The following ZBED6 variants were observed in gnomAD, a reference collection of about 807,000 sequenced individuals.
The protein encoded by ZBED6 is zinc finger BED-type containing 6, also known as zinc finger BED domain-containing protein 6.
Under a neutral mutation model 58.4 loss-of-function variants are expected in ZBED6, and 40 were observed. The ratio of observed to expected loss-of-function variants is 0.68; its 90% CI spans 0.53 to 0.89. The LOEUF is 0.89. ZBED6 is among the 40% of genes least tolerant of loss of function. The probability of loss-of-function intolerance (pLI) is 0.00; values close to 1 mark genes in which losing one functional copy is unlikely to be tolerated. For missense variants in ZBED6, 1,057 were observed against 1,003.9 expected, an observed-to-expected ratio of 1.05 and a Z score of -0.71; for synonymous variants, 439 against 350.6, an observed-to-expected ratio of 1.25 and a Z score of -2.82.
At position 203,828,676 on chromosome 1, in the gene ZBED6, C is replaced by T. The variant is rs1350468757; in HGVS notation, c.*2997+254C>T. Among the ~76,000 whole-genome samples the T allele has an allele frequency of 3.9e-5, 6 of 152,112 alleles. No individual in the cohort carries two copies. In the East Asian group the frequency reaches 7.7e-4, roughly 19 times the overall value. ...CTCATATTCTTATCAGACCCATAAACGTTTTCAAAATAAATTTGATTTTCT... is the reference window on the plus strand; with the variant it reads ...CTCATATTCTTATCAGACCCATAAATGTTTTCAAAATAAATTTGATTTTCT... On this transcript the variant is annotated intron_variant, in intron 4 of 16. Coordinates refer to ENST00000550078, the Ensembl canonical transcript of ZBED6.
chr1:203,799,659 C>T (rs964693326), exon 1 of ZBED6: 28 of 704,492 alleles, frequency 4.0e-5, no homozygotes, highest in Admixed American at 1.0e-4. Flanking sequence ...GAATCAGGTG[C>T]TACCCCTAAT....
rs200302232 is a variant in ZBED6, at chr1:203,819,089, TAC to T, written c.*2873+429_*2873+430del. 5.7e-3 allele frequency among the ~76,000 whole-genome samples: 804 copies of T among 140,984 alleles called. 7 individuals carry two copies. The highest frequency in any genetic ancestry group is 0.016 in the African/African-American group (601 of 37,036). 92.5% of individuals were successfully genotyped at this position (140,984 alleles called of 152,430 possible). A position where few individuals can be genotyped will look rare whatever the true frequency, so the allele number is the denominator to read the frequency against. On this transcript the variant is annotated intron_variant, in intron 3 of 16. Coordinates refer to ENST00000550078, the Ensembl canonical transcript of ZBED6. ...TCTCAAAAAAAAAAATATATATATA[TAC>T]ACACACACACACACACACACACACA...
intron 13 of ZBED6, 61 bp from the exon 14 acceptor site, chr1:203,849,650 T>TA: frequency 1.3e-6 from 2 of 1,501,832 alleles, no homozygotes; most frequent in Admixed American, 1.8e-5. Context: ...GCCTGGTACT[T>TA]ACATCATACA....
At position 203,808,210 on chromosome 1, in the gene ZBED6, T is replaced by A. The variant is rs559451382; in HGVS notation, c.*2554+5194T>A. Among the ~76,000 whole-genome samples the A allele has an allele frequency of 2.0e-5, 3 of 152,152 alleles. 1 individual carries two copies. The East Asian group carries it at 5.8e-4, about 29-fold the overall frequency. On this transcript the variant is annotated intron_variant, in intron 1 of 16. Coordinates refer to ENST00000550078, the Ensembl canonical transcript of ZBED6. ...GTTCTGAGCTATTTGTGAAATGTAG[T>A]TTGAAATTCTAAACTTAAAGGTCAT...
intron 11 of ZBED6, among the ~76,000 whole-genome samples, chr1:203,844,834 C>T (rs1572339612): frequency 6.6e-6 from 1 of 151,998 alleles, no homozygotes; most frequent in Non-Finnish European, 1.5e-5. Flanking sequence ...TATCCCTCCT[C>T]CCTCCCCTTT....
chr1:203,809,328 A>G (rs1403394736), intron 1 of ZBED6, among the ~76,000 whole-genome samples: 12 of 150,788 alleles, frequency 8.0e-5, no homozygotes, highest in Non-Finnish European at 1.5e-5. Context: ...GGCGCACACT[A>G]CCGTGCCCGG....
chr1:203,835,210 T>G (rs1047216793), intron 9 of ZBED6, among the ~76,000 whole-genome samples: 2 of 152,208 alleles, frequency 1.3e-5, no homozygotes, highest in Admixed American at 6.5e-5. Flanking sequence ...ATGAATGAAA[T>G]TAATATTTGC....
intron 3 of ZBED6, among the ~76,000 whole-genome samples, chr1:203,821,155 G>A (rs111803133): frequency 0.015 from 2,223 of 152,168 alleles, 26 homozygotes; most frequent in South Asian, 0.024. Context: ...GTGCGTTCTC[G>A]TGAGATCTGA....
chr1:203,798,814 C>G (rs1352403157), exon 1 of ZBED6: 1 of 1,536,124 alleles, frequency 6.5e-7, no homozygotes, highest in Admixed American at 2.0e-5. Context: ...TTCTCAACCC[C>G]AGCCTTTCAG....
chr1:203,823,094 G>A (rs1679319391), intron 3 of ZBED6, among the ~76,000 whole-genome samples: 1 of 152,000 alleles, frequency 6.6e-6, no homozygotes, highest in Admixed American at 6.6e-5. Flanking sequence ...AGTCAATGTT[G>A]TAACATTTTT....
chr1:203,835,887 C>T, intron 9 of ZBED6: 2 of 244,250 alleles, frequency 8.2e-6, no homozygotes, highest in Non-Finnish European at 8.9e-6. Flanking sequence ...AGCAAAAATG[C>T]CCTTGGACCA....
rs1316440046 is a variant in ZBED6 at position 203,831,731 on chromosome 1, C to T, written c.*3470C>T. On this transcript the variant is annotated 3_prime_UTR_variant, in exon 8 of 17. Transcript: ENST00000550078. ...TTCCAGGTCCTGAAAAAGAAAATGT[C>T]AGGACTGTGGTGAGGACAGTAACTC... The T allele has an allele frequency of 2.5e-6, 4 of 1,612,956 alleles. No individual in the cohort carries two copies. In the Admixed American group the frequency reaches 5.0e-5, roughly 20 times the overall value.
At chr1:203,799,325 C>T (rs2102388239) in exon 1 of ZBED6, 1 of 708,550 alleles carries the variant, frequency 1.4e-6, no homozygotes, top group South Asian at 1.5e-5. Context: ...AGCACAAAAG[C>T]ATTGAGAATA....
rs762751606 is a variant in ZBED6 at position 203,800,382 on chromosome 1, G to A, written c.2860G>A (p.Asp954Asn). The A allele has an allele frequency of 7.5e-5, 76 of 1,008,744 alleles. No homozygotes were observed. Among genetic ancestry groups the A allele is most frequent in the Non-Finnish European group, 1.1e-4 (75 of 665,170 alleles). The allele number at this position is 1,008,744 out of a possible 1,614,324, so 62.5% of individuals were successfully genotyped here. Residue 954 changes from aspartate to asparagine, a missense_variant, in exon 1 of 17, where the codon GAT (aspartate) becomes AAT (asparagine). Coordinates refer to ENST00000550078, the Ensembl canonical transcript of ZBED6. Reference sequence around the variant, plus strand: ...AATGAACTTGAAAAATGTTAACTACGATTATTCTACGTTGGTTCTGAGCTG... The same window carrying A: ...AATGAACTTGAAAAATGTTAACTACAATTATTCTACGTTGGTTCTGAGCTG...
chr1:203,832,941 G>C (rs1353323838), intron 8 of ZBED6, among the ~76,000 whole-genome samples: 4 of 152,128 alleles, frequency 2.6e-5, no homozygotes, highest in African/African-American at 7.2e-5. Flanking sequence ...TTAATAATTA[G>C]TACTATTCTA....
intron 1 of ZBED6, among the ~76,000 whole-genome samples, chr1:203,810,616 T>C (rs540629124): frequency 1.2e-3 from 185 of 152,132 alleles, no homozygotes; most frequent in South Asian, 5.2e-3. Flanking sequence ...AGATGGGGTT[T>C]CACAGTGTCA....
At chr1:203,821,633 T>A (rs980419068) in intron 3 of ZBED6, among the ~76,000 whole-genome samples, 6 of 152,178 alleles carry the variant, frequency 3.9e-5, no homozygotes, top group Admixed American at 6.6e-5. Context: ...TGAATAATGG[T>A]ATATAGAAGT....
intron 9 of ZBED6, among the ~76,000 whole-genome samples, chr1:203,834,671 C>T (rs114781601): frequency 0.011 from 1,647 of 152,132 alleles, 37 homozygotes; most frequent in African/African-American, 0.038. Context: ...TCATTTGAAA[C>T]GAGAGTCTTG....
intron 2 of ZBED6, among the ~76,000 whole-genome samples, chr1:203,817,832 A>T (rs1363403482): frequency 1.3e-5 from 2 of 151,830 alleles, no homozygotes; most frequent in Non-Finnish European, 2.9e-5. Context: ...GGCTTACTGT[A>T]ACCTCCGCCT....
Sources: allele counts gnomAD v4.1 joint callset (sites outside exome capture counted in the v4.1 genomes callset), GRCh38; gene constraint gnomAD v4.1.1; transcripts MANE v1.5; gene names NCBI Gene and HGNC (gene_info 2026-07-23, HGNC 2026-07-21).